Variants in PLCXD3 observed in about 807,000 individuals in gnomAD.
PLCXD3 encodes phosphatidylinositol specific phospholipase C X domain containing 3.
PLCXD3 carries 19 observed loss-of-function variants against 25.5 expected under a neutral mutation model. That is an observed-to-expected ratio of 0.75 (90% CI 0.52 to 1.09). The LOEUF is 1.09. PLCXD3 is among the 50% of genes least tolerant of loss of function. The pLI, the probability that PLCXD3 is intolerant of heterozygous loss-of-function variation, is 0.00. For synonymous variants in PLCXD3, 174 were observed against 137.6 expected (o/e 1.26, Z -1.85); for missense variants, 411 against 388.1 (o/e 1.06, Z -0.50).
intron 1 of PLCXD3, among the ~76,000 whole-genome samples, chr5:41,489,337 G>T (rs1033729309): frequency 2.0e-5 from 3 of 152,116 alleles, no homozygotes; most frequent in African/African-American, 7.2e-5. Flanking sequence ...CTGTAGCCTT[G>T]TAGTATAGCT....
intron 1 of PLCXD3, among the ~76,000 whole-genome samples, chr5:41,493,400 G>A (rs1266345535): frequency 6.6e-6 from 1 of 152,228 alleles, no homozygotes; most frequent in Non-Finnish European, 1.5e-5. Flanking sequence ...CCCACTTGAG[G>A]AGGCAGTCTG....
intron 2 of PLCXD3, among the ~76,000 whole-genome samples, chr5:41,378,437 A>G (rs1232003837): frequency 6.6e-6 from 1 of 152,088 alleles, no homozygotes; most frequent in Non-Finnish European, 1.5e-5. Context: ...TCATAATCCT[A>G]TAGAGGAAAG....
chr5:41,401,556 T>C (rs926711797), intron 1 of PLCXD3, among the ~76,000 whole-genome samples: 1 of 152,080 alleles, frequency 6.6e-6, no homozygotes, highest in Admixed American at 6.6e-5. Flanking sequence ...GATTTCTCTA[T>C]ATGCCAGCAC....
Position 41,312,641 on chromosome 5 carries a change from TCCCTC to T in PLCXD3, c.*971_*975del, listed in dbSNP as rs376970228. 9.1e-3 allele frequency: 1,312 copies of T among 144,456 alleles called. 15 individuals carry two copies. The highest frequency in any genetic ancestry group is 0.031 in the Middle Eastern group (9 of 288). The allele number at this position is 144,456 out of a possible 1,614,324, so 8.9% of individuals were successfully genotyped here. On this transcript the variant is annotated 3_prime_UTR_variant, in exon 3 of 3. Transcript: ENST00000377801. ...TTCCTCCCGTCCTTCCTTCTGTCCT[TCCCTC>T]CCTTCTTCCCTCCCTTCCTCCCTCC...
At chr5:41,342,488 T>C (rs1744180034) in intron 2 of PLCXD3, among the ~76,000 whole-genome samples, 1 of 152,150 alleles carries the variant, frequency 6.6e-6, no homozygotes, top group African/African-American at 2.4e-5. Flanking sequence ...CTCAAAGCAG[T>C]TGAGGCCAAA....
At chr5:41,459,647 C>G (rs1397932055) in intron 1 of PLCXD3, among the ~76,000 whole-genome samples, 1 of 151,644 alleles carries the variant, frequency 6.6e-6, no homozygotes, top group Non-Finnish European at 1.5e-5. Flanking sequence ...ACTAGATAGC[C>G]AGCATTGTCT....
chr5:41,351,244 A>G (rs1261515374), intron 2 of PLCXD3, among the ~76,000 whole-genome samples: 3 of 152,106 alleles, frequency 2.0e-5, no homozygotes, highest in South Asian at 2.1e-4. Context: ...ATGTGCTTTC[A>G]TCATGCCACA....
chr5:41,438,898 A>G (rs536003943), intron 1 of PLCXD3, among the ~76,000 whole-genome samples: 111 of 152,298 alleles, frequency 7.3e-4, no homozygotes, highest in African/African-American at 2.5e-3. Context: ...TCTGTGGAAA[A>G]GAGTTAAAGA....
chr5:41,445,717 G>A (rs1747478896), intron 1 of PLCXD3, among the ~76,000 whole-genome samples: 1 of 152,130 alleles, frequency 6.6e-6, no homozygotes, highest in South Asian at 2.1e-4. Flanking sequence ...CAGGAATTTC[G>A]AAGTAGTTAC....
chr5:41,354,311 A>T (rs920877015), intron 2 of PLCXD3, among the ~76,000 whole-genome samples: 6 of 152,176 alleles, frequency 3.9e-5, no homozygotes, highest in Non-Finnish European at 8.8e-5. Flanking sequence ...AACCTCTCAG[A>T]GTCTTCATAT....
chr5:41,411,596 A>T (rs1345606828), intron 1 of PLCXD3, among the ~76,000 whole-genome samples: 1 of 152,186 alleles, frequency 6.6e-6, no homozygotes, highest in Admixed American at 6.5e-5. Context: ...ACTAGAATGT[A>T]GGTACCAAGT....
intron 2 of PLCXD3, among the ~76,000 whole-genome samples, chr5:41,353,185 C>T (rs998999781): frequency 4.0e-5 from 6 of 151,762 alleles, no homozygotes; most frequent in Admixed American, 1.3e-4. Context: ...CTCCACCTCC[C>T]GGGTTCATGC....
chr5:41,476,112 A>G (rs1748277487), intron 1 of PLCXD3, among the ~76,000 whole-genome samples: 1 of 152,226 alleles, frequency 6.6e-6, no homozygotes, highest in African/African-American at 2.4e-5. Flanking sequence ...TATCACTTTC[A>G]CATCATCATA....
chr5:41,509,450 G>A (rs776075274), intron 1 of PLCXD3, among the ~76,000 whole-genome samples: 26 of 152,112 alleles, frequency 1.7e-4, no homozygotes, highest in Non-Finnish European at 3.1e-4. Flanking sequence ...CTGGATACCT[G>A]ATCTAGGGGG....
intron 1 of PLCXD3, among the ~76,000 whole-genome samples, chr5:41,457,240 C>T (rs143722534): frequency 2.0e-5 from 3 of 151,836 alleles, no homozygotes; most frequent in Non-Finnish European, 2.9e-5. Context: ...CACTGGAAAG[C>T]GATTTGCATG....
chr5:41,414,217 AT>A (rs11367879), intron 1 of PLCXD3, among the ~76,000 whole-genome samples: 103,281 of 150,176 alleles, frequency 0.69, 35,706 homozygotes, highest in South Asian at 0.75. Context: ...GGGAGTAGGC[AT>A]TTTTTTTTTT....
intron 1 of PLCXD3, among the ~76,000 whole-genome samples, chr5:41,460,375 T>C (rs1401588402): frequency 6.6e-6 from 1 of 151,972 alleles, no homozygotes; most frequent in Non-Finnish European, 1.5e-5. Context: ...ATGTGTGCAG[T>C]TAATACAAAT....
At chr5:41,354,441 C>T (rs1040426232) in intron 2 of PLCXD3, among the ~76,000 whole-genome samples, 8 of 152,068 alleles carry the variant, frequency 5.3e-5, no homozygotes, top group African/African-American at 9.7e-5. Context: ...TCTTTGACTC[C>T]TCATTTCCTC....
At chr5:41,480,520 GA>G (rs1748382226) in intron 1 of PLCXD3, among the ~76,000 whole-genome samples, 3 of 151,086 alleles carry the variant, frequency 2.0e-5, no homozygotes, top group Non-Finnish European at 4.4e-5. Flanking sequence ...AAGGCATTAA[GA>G]AAACTTTTTT....
Sources: allele counts gnomAD v4.1 joint callset (sites outside exome capture counted in the v4.1 genomes callset), GRCh38; gene constraint gnomAD v4.1.1; transcripts MANE v1.5; gene names NCBI Gene and HGNC (gene_info 2026-07-23, HGNC 2026-07-21).